Variants in INO80 observed in about 807,000 individuals in gnomAD.
The protein encoded by INO80 is INO80 complex ATPase subunit.
In INO80, 20 loss-of-function variants were observed where a neutral mutation model predicts 203.4. That is an observed-to-expected ratio of 0.10 (90% CI 0.07 to 0.14). The LOEUF (loss-of-function observed/expected upper bound fraction) is 0.14, where lower values mean the gene tolerates loss of function less well. INO80 is among the 10% of genes least tolerant of loss of function. INO80 has a pLI of 1.00. For missense variants in INO80, 1,419 were observed against 1,914.4 expected, an observed-to-expected ratio of 0.74 and a Z score of 4.83; for synonymous variants, 726 against 685.2, an observed-to-expected ratio of 1.06 and a Z score of -0.93.
At chr15:41,106,373 G>C (rs2045880502) in intron 1 of INO80, among the ~76,000 whole-genome samples, 1 of 124,774 alleles carries the variant, frequency 8.0e-6, no homozygotes, top group African/African-American at 3.0e-5. Context: ...GACAGGGCCA[G>C]ACCCTGTCTC....
chr15:41,064,547 GT>G lies in INO80; in HGVS notation c.1783-4622del, dbSNP rs144641708. On this transcript the variant is annotated intron_variant, in intron 14 of 35. Transcript: ENST00000648947. Reference sequence around the variant, plus strand: ...GATCAAAAATGAACTTGCAATGGAAGTTAGAGATTATGATGAAGTGAAAGAC... The same window carrying G: ...GATCAAAAATGAACTTGCAATGGAAGTAGAGATTATGATGAAGTGAAAGAC... Among the ~76,000 whole-genome samples, 435 of 152,250 alleles carry G rather than the reference GT, an allele frequency of 2.9e-3. 2 individuals carry two copies. The highest frequency in any genetic ancestry group is 9.8e-3 in the African/African-American group (408 of 41,562).
chr15:41,090,105 T>C (rs2045613102), intron 5 of INO80, among the ~76,000 whole-genome samples: 1 of 152,176 alleles, frequency 6.6e-6, no homozygotes, highest in Admixed American at 6.5e-5. Flanking sequence ...ACAATGCATA[T>C]ATAAGATAAG....
intron 9 of INO80, among the ~76,000 whole-genome samples, chr15:41,076,491 G>A (rs564724400): frequency 2.5e-4 from 37 of 150,224 alleles, no homozygotes; most frequent in Non-Finnish European, 4.1e-4. Context: ...AATGTCAGAA[G>A]GCTAAATTAA....
rs953531418 is a variant in INO80, at chr15:41,116,195, C to T, written c.-266G>A. The T allele has an allele frequency of 9.8e-6, 4 of 408,036 alleles. No individual in the cohort carries two copies. Among genetic ancestry groups the T allele is most frequent in the Non-Finnish European group, 1.7e-5 (4 of 234,636 alleles). 25.3% of individuals were successfully genotyped at this position (408,036 alleles called of 1,614,324 possible). A position where few individuals can be genotyped will look rare whatever the true frequency, so the allele number is the denominator to read the frequency against. ...GCTGAGGCGGCTGCGGGCGCTGGGC[C>T]GGCGGCGGCGGCGGCCACTTTCACT... On this transcript the variant is annotated 5_prime_UTR_variant, in exon 1 of 36. Coordinates refer to ENST00000648947, the MANE Select transcript of INO80 (RefSeq NM_017553.3).
At chr15:41,008,078 G>A (rs2044076674) in intron 27 of INO80, among the ~76,000 whole-genome samples, 1 of 152,190 alleles carries the variant, frequency 6.6e-6, no homozygotes, top group Non-Finnish European at 1.5e-5. Context: ...GGAGGCTGAG[G>A]TGGGAAGATC....
intron 32 of INO80, 83 bp from the exon 33 acceptor site, chr15:40,984,435 G>C: frequency 1.5e-6 from 2 of 1,296,692 alleles, no homozygotes; most frequent in Non-Finnish European, 1.1e-6. Context: ...AAGGATAACA[G>C]AACTTTTATT....
At chr15:41,088,964 A>C (rs893139390) in intron 5 of INO80, among the ~76,000 whole-genome samples, 2 of 152,082 alleles carry the variant, frequency 1.3e-5, no homozygotes, top group Middle Eastern at 3.4e-3. Context: ...CAAGGTGGGC[A>C]AATTATTTGA....
chr15:41,110,376 G>T (rs1046638104), intron 1 of INO80, among the ~76,000 whole-genome samples: 8 of 151,650 alleles, frequency 5.3e-5, no homozygotes, highest in East Asian at 2.0e-4. Flanking sequence ...ATCTCTTGAC[G>T]TCATGATCCA....
intron 5 of INO80, among the ~76,000 whole-genome samples, chr15:41,089,725 A>G (rs2140650025): frequency 6.6e-6 from 1 of 152,258 alleles, no homozygotes; most frequent in South Asian, 2.1e-4. Context: ...CCTGGGCAAC[A>G]AAAGTGAAAC....
intron 19 of INO80, among the ~76,000 whole-genome samples, chr15:41,050,840 C>T (rs2140531913): frequency 6.6e-6 from 1 of 152,160 alleles, no homozygotes; most frequent in Non-Finnish European, 1.5e-5. Flanking sequence ...CAAAGAAAGC[C>T]TCCAATAATC....
intron 30 of INO80, 127 bp from the exon 31 acceptor site, chr15:40,987,320 T>C (rs2043751040): frequency 1.7e-6 from 1 of 584,700 alleles, no homozygotes; most frequent in Non-Finnish European, 3.1e-6. Flanking sequence ...ATTTCTTCTT[T>C]TCTCCCTTTT....
intron 25 of INO80, among the ~76,000 whole-genome samples, chr15:41,023,768 C>CAAAAAAAAAAAAAAAAAAAAAAAAAAAAA (rs139814568): frequency 7.9e-5 from 5 of 63,530 alleles, no homozygotes; most frequent in Admixed American, 2.2e-4. Context: ...GACTCTGTCT[C>CAAAAAAAAAAAAAAAAAAAAAAAAAAAAA]AAAAAAAAAA....
At chr15:40,985,220 C>G (rs1227654085) in intron 32 of INO80, 118 bp downstream of exon 32, 1 of 721,890 alleles carries the variant, frequency 1.4e-6, no homozygotes, top group African/African-American at 1.7e-5. Flanking sequence ...GCTGATCATA[C>G]ACAGCTGGAG....
chr15:41,096,383 G>A (rs1167313790), intron 1 of INO80, 30 bp from the exon 2 acceptor site: 20 of 1,416,992 alleles, frequency 1.4e-5, no homozygotes, highest in Non-Finnish European at 1.8e-5. Context: ...AGTGAAAGAT[G>A]AAATTACTAT....
chr15:40,987,419 A>C (rs1335096345), intron 30 of INO80, among the ~76,000 whole-genome samples: 1 of 152,238 alleles, frequency 6.6e-6, no homozygotes, highest in African/African-American at 2.4e-5. Context: ...CTAACTAGAA[A>C]ATCTAAGGCT....
At chr15:41,059,761 T>A (rs906885063) in intron 15 of INO80, 106 bp downstream of exon 15, 1 of 704,338 alleles carries the variant, frequency 1.4e-6, no homozygotes, top group East Asian at 2.9e-5. Flanking sequence ...TCCAGAAATA[T>A]ATAATAGATA....
intron 19 of INO80, among the ~76,000 whole-genome samples, chr15:41,053,502 T>A (rs1388427281): frequency 6.6e-6 from 1 of 152,206 alleles, no homozygotes; most frequent in African/African-American, 2.4e-5. Flanking sequence ...GAACTGGTCT[T>A]TTTAAATAGG....
At chr15:41,104,382 T>C (rs971264991) in intron 1 of INO80, among the ~76,000 whole-genome samples, 30 of 152,254 alleles carry the variant, frequency 2.0e-4, no homozygotes, top group African/African-American at 7.2e-4. Flanking sequence ...ATCCGAACTC[T>C]GATCATATTT....
At chr15:41,011,806 A>G (rs769799617) in intron 27 of INO80, 1 of 152,204 alleles carries the variant, frequency 6.6e-6, no homozygotes, top group Non-Finnish European at 1.5e-5. Flanking sequence ...ATCTTCCCCC[A>G]GTGAGGCACT....
Sources: allele counts gnomAD v4.1 joint callset (sites outside exome capture counted in the v4.1 genomes callset), GRCh38; gene constraint gnomAD v4.1.1; transcripts MANE v1.5; gene names NCBI Gene and HGNC (gene_info 2026-07-23, HGNC 2026-07-21).